The following SCG3 variants were observed in gnomAD, a reference collection of about 807,000 sequenced individuals.
The protein encoded by SCG3 is secretogranin-3.
A neutral mutation model predicts 56.2 loss-of-function variants in SCG3; 38 were observed. That is an observed-to-expected ratio of 0.68 (90% CI 0.52 to 0.89). The LOEUF (loss-of-function observed/expected upper bound fraction) is 0.89, where lower values mean the gene tolerates loss of function less well. Among genes scored for constraint, SCG3 ranks in the 40% least tolerant of loss-of-function variants. SCG3 has a pLI of 0.00. For synonymous variants in SCG3, 176 were observed against 184.2 expected (o/e 0.96, Z 0.36); for missense variants, 524 against 540.7 (o/e 0.97, Z 0.31).
At position 51,683,350 on chromosome 15, in the gene SCG3, G is replaced by A; in HGVS notation, c.313G>A (p.Val105Met). The A allele has an allele frequency of 6.2e-7, 1 of 1,613,574 alleles. No individual in the cohort carries two copies. ...CTCCCCACTTGATAATAAGTTGAAT[G>A]TGGAAGATGTTGATTCAACCAAGAA... ...RSSPLDNKLN[V>M]EDVDSTKNRK... The change falls in exon 4 of 12, where the codon GTG becomes ATG. Residue 105 changes from valine to methionine, a missense_variant. Physicochemically the swap from Val to Met is conservative, Grantham distance 21 (BLOSUM62 1). Transcript: ENST00000220478.
At position 51,689,250 on chromosome 15, in the gene SCG3, A is replaced by G; in HGVS notation, c.572A>G (p.Asp191Gly). ...GAAAGCCAAGCACATACACTGGAAGATGAAGTAGCAGAGGTTTTACAAAAA... is the reference window on the plus strand; with the variant it reads ...GAAAGCCAAGCACATACACTGGAAGGTGAAGTAGCAGAGGTTTTACAAAAA... ...ITESQAHTLE[D>G]EVAEVLQKLI... Residue 191 changes from aspartate (D) to glycine (G), a missense_variant, in exon 6 of 12, where the codon GAT (aspartate) becomes GGT (glycine). Coordinates refer to ENST00000220478, the MANE Select transcript of SCG3 (RefSeq NM_013243.4). The G allele has an allele frequency of 6.2e-7, 1 of 1,614,040 alleles. No homozygotes were observed. Among genetic ancestry groups the G allele is most frequent in the Non-Finnish European group, 8.5e-7 (1 of 1,179,908 alleles).
rs2305719 is a variant in SCG3, at chr15:51,692,045, C to T, written c.691-114C>T. The stretch of plus-strand genomic sequence containing the variant: ...GTTTGAACCTGCAGGAGCTTGCAAA[C>T]GAGGGGGAATTCTTGCACTTCACAT... On this transcript the variant is annotated intron_variant, in intron 6 of 11. Transcript: ENST00000220478. 9,852 of 982,644 alleles carry T rather than the reference C, an allele frequency of 0.01. 420 individuals carry two copies. In the East Asian group the frequency reaches 0.11, roughly 11 times the overall value. 60.9% of individuals were successfully genotyped at this position (982,644 alleles called of 1,614,324 possible).
chr15:51,688,363 G>A lies in SCG3; in HGVS notation c.501G>A (p.Val167=). ...ARIYEENDRA[V]FDKIVSKLLN... Reference sequence around the variant, plus strand: ...TTTATGAAGAAAATGACAGAGCCGTGTTTGACAAGATTGTTTCTAAACTAC... The same window carrying A: ...TTTATGAAGAAAATGACAGAGCCGTATTTGACAAGATTGTTTCTAAACTAC... The change falls in exon 5 of 12, where the codon GTG becomes GTA. Residue 167 remains valine (V), a synonymous_variant. Transcript: ENST00000220478. The A allele has an allele frequency of 6.2e-7, 1 of 1,613,836 alleles. No homozygotes were observed. Among genetic ancestry groups the A allele is most frequent in the Non-Finnish European group, 8.5e-7 (1 of 1,179,830 alleles).
intron 7 of SCG3, chr15:51,695,516 T>C (rs1488383997): frequency 1.3e-5 from 2 of 158,898 alleles, no homozygotes; most frequent in Non-Finnish European, 2.7e-5. Context: ...TCTTACCCTA[T>C]ATTTCCAATC....
At chr15:51,690,652 CAA>C (rs34102168) in intron 6 of SCG3, among the ~76,000 whole-genome samples, 12 of 148,600 alleles carry the variant, frequency 8.1e-5, no homozygotes, top group African/African-American at 1.7e-4. Flanking sequence ...CTAGATTTAT[CAA>C]AAAAAAAAAC....
chr15:51,698,836 C>T lies in SCG3; in HGVS notation c.986-483C>T, dbSNP rs138812570. The stretch of plus-strand genomic sequence containing the variant: ...CCAGTGGTCCTACCATTGAGTCTCA[C>T]TGACCTGGATAGGTCCTAGGCTCCT... On this transcript the variant is annotated intron_variant, in intron 8 of 11. Transcript: ENST00000220478. Among the ~76,000 whole-genome samples, 347 of 152,006 alleles carry T rather than the reference C, an allele frequency of 2.3e-3. 2 individuals carry two copies. The highest frequency in any genetic ancestry group is 8.1e-3 in the African/African-American group (337 of 41,562).
chr15:51,714,987 T>G (rs895740024), intron 11 of SCG3, among the ~76,000 whole-genome samples: 1 of 152,214 alleles, frequency 6.6e-6, no homozygotes, highest in Non-Finnish European at 1.5e-5. Flanking sequence ...AAAATTAAAA[T>G]GTTCATCTTA....
intron 6 of SCG3, 72 bp from the exon 7 acceptor site, chr15:51,692,083 CAAAG>C (rs2055270599): frequency 7.1e-7 from 1 of 1,407,484 alleles, no homozygotes; most frequent in East Asian, 2.3e-5. Flanking sequence ...AAGGGCATCA[CAAAG>C]GAAGGAATCA....
chr15:51,688,530 T>TC, intron 5 of SCG3, 128 bp downstream of exon 5: 1 of 768,816 alleles, frequency 1.3e-6, no homozygotes, highest in Non-Finnish European at 2.0e-6. Context: ...CCCGTAGGTT[T>TC]TAAGGACAAG....
At position 51,688,417 on chromosome 15, in the gene SCG3, A is replaced by T. The variant is rs2305714; in HGVS notation, c.540+15A>T. The T allele has an allele frequency of 7.2e-3, 11,552 of 1,611,266 alleles. 435 individuals carry two copies. The East Asian group carries it at 0.11, about 15-fold the overall frequency. On this transcript the variant is annotated intron_variant, in intron 5 of 11. Coordinates refer to ENST00000220478, the MANE Select transcript of SCG3 (RefSeq NM_013243.4). ...ATCTCGGCCTTGTAAGTCATTTGGTAGGAAATAAACCAAATTCCTAGTGCA... is the reference window on the plus strand; with the variant it reads ...ATCTCGGCCTTGTAAGTCATTTGGTTGGAAATAAACCAAATTCCTAGTGCA...
In SCG3 at chr15:51,701,213, C is replaced by T. The variant is rs2055337501; in HGVS notation, c.1176C>T (p.Ser392=). ...AGGATTCCACAAAAGATGATAACTC[C>T]AACCCAGGAGGAAAGACAGATGAAC... ...SLKDSTKDDN[S]NPGGKTDEPK... Residue 392 remains serine (S), a synonymous_variant, in exon 10 of 12, where the codon TCC becomes TCT. Transcript: ENST00000220478. 1 of 1,608,380 alleles carries T rather than the reference C, an allele frequency of 6.2e-7. No individual in the cohort carries two copies. Among genetic ancestry groups the T allele is most frequent in the Non-Finnish European group, 8.5e-7 (1 of 1,177,946 alleles).
chr15:51,711,858 T>G (rs2055422961), intron 10 of SCG3, among the ~76,000 whole-genome samples: 2 of 152,178 alleles, frequency 1.3e-5, no homozygotes, highest in Non-Finnish European at 2.9e-5. Flanking sequence ...GTCTCTGTGC[T>G]TCTTTGGGGA....
chr15:51,688,224 A>T (rs1273375280), intron 4 of SCG3, 36 bp from the exon 5 acceptor site: 1 of 1,582,634 alleles, frequency 6.3e-7, no homozygotes. Context: ...TAGATCTATG[A>T]TCACTATGGT....
intron 8 of SCG3, among the ~76,000 whole-genome samples, chr15:51,696,441 T>A (rs2055304123): frequency 6.6e-6 from 1 of 152,024 alleles, no homozygotes; most frequent in Admixed American, 6.6e-5. Flanking sequence ...TTCCAGCTAC[T>A]CAGGAGGCTG....
intron 4 of SCG3, 116 bp downstream of exon 4, chr15:51,683,550 C>A: frequency 1.6e-6 from 1 of 633,020 alleles, no homozygotes; most frequent in Non-Finnish European, 2.6e-6. Context: ...TTAGTCAAGT[C>A]CAAAATTGAG....
chr15:51,704,975 C>T (rs1015413164), intron 10 of SCG3, among the ~76,000 whole-genome samples: 11 of 151,680 alleles, frequency 7.3e-5, no homozygotes, highest in African/African-American at 2.2e-4. Context: ...TCTCTACATC[C>T]TTGCCTAGAC....
At chr15:51,700,974 A>C in intron 9 of SCG3, 133 bp from the exon 10 acceptor site, 1 of 1,134,688 alleles carries the variant, frequency 8.8e-7, no homozygotes, top group East Asian at 2.4e-5. Flanking sequence ...TTAGATAAGC[A>C]CTAAGATCCC....
rs912486935 is a variant in SCG3 at position 51,713,291 on chromosome 15, A to C, written c.1208-42A>C. On this transcript the variant is annotated intron_variant, in intron 10 of 11. Transcript: ENST00000220478. ...GTGGTCTTTAAAATGAGATGTAGTG[A>C]TATTTCCTGAGTGTTTGATATAGTT... 10 of 1,274,468 alleles carry C rather than the reference A, an allele frequency of 7.8e-6. No individual in the cohort carries two copies. In the East Asian group the frequency reaches 2.3e-4, roughly 30 times the overall value. 78.9% of individuals were successfully genotyped at this position (1,274,468 alleles called of 1,614,324 possible).
intron 9 of SCG3, among the ~76,000 whole-genome samples, chr15:51,700,377 T>C (rs2055331266): frequency 6.6e-6 from 1 of 152,252 alleles, no homozygotes; most frequent in Non-Finnish European, 1.5e-5. Context: ...AAATATTTTA[T>C]TGGCTACAGA....
Sources: gnomAD v4.1 joint callset for allele counts (sites outside exome capture counted in the v4.1 genomes callset) on GRCh38, gnomAD v4.1.1 for gene constraint, MANE v1.5 for transcripts, NCBI Gene and HGNC (gene_info 2026-07-23, HGNC 2026-07-21) for gene names.